Variants in HLTF observed in about 807,000 individuals in gnomAD.
The protein encoded by HLTF is DNA-dependent ATPase/E3 ubiquitin-protein ligase HLTF.
In HLTF, 127 loss-of-function variants were observed where a neutral mutation model predicts 129.4. That is an observed-to-expected ratio of 0.98 (90% CI 0.85 to 1.14). The LOEUF is 1.14. Among genes scored for constraint, HLTF ranks in the 50% most tolerant of loss-of-function variants. HLTF has a pLI of 0.00. For synonymous variants in HLTF, 332 were observed against 388.8 expected (o/e 0.85, Z 1.72); for missense variants, 1,139 against 1,187.1 (o/e 0.96, Z 0.60).
intron 3 of HLTF, among the ~76,000 whole-genome samples, chr3:149,075,275 A>T (rs1719246145): frequency 6.6e-6 from 1 of 152,246 alleles, no homozygotes; most frequent in Non-Finnish European, 1.5e-5. Flanking sequence ...CAGGCTGGGC[A>T]CGGTGGCTCA....
intron 3 of HLTF, among the ~76,000 whole-genome samples, chr3:149,075,343 G>A (rs1719252953): frequency 6.6e-6 from 1 of 152,210 alleles, no homozygotes; most frequent in Admixed American, 6.5e-5. Flanking sequence ...GAGGTCAGGA[G>A]TTCGAGACAG....
chr3:149,064,548 C>G (rs1718197435), intron 9 of HLTF, among the ~76,000 whole-genome samples: 1 of 151,952 alleles, frequency 6.6e-6, no homozygotes, highest in Non-Finnish European at 1.5e-5. Context: ...TTTCACAACC[C>G]AAAATGCTCT....
At chr3:149,061,216 C>T (rs952218577) in intron 10 of HLTF, among the ~76,000 whole-genome samples, 2 of 151,904 alleles carry the variant, frequency 1.3e-5, no homozygotes, top group East Asian at 3.9e-4. Context: ...ACTACAGGTG[C>T]GTGCCACTAC....
At chr3:149,085,520 C>T (rs1720290535) in intron 1 of HLTF, among the ~76,000 whole-genome samples, 1 of 152,040 alleles carries the variant, frequency 6.6e-6, no homozygotes, top group Non-Finnish European at 1.5e-5. Flanking sequence ...AAATCATATG[C>T]CAAAATTTCA....
chr3:149,074,180 T>C, intron 4 of HLTF, 35 bp downstream of exon 4: 1 of 1,582,792 alleles, frequency 6.3e-7, no homozygotes, highest in Non-Finnish European at 8.6e-7. Context: ...CATCTTACAA[T>C]ATCAGAATAA....
chr3:149,082,908 G>A (rs1471672916), intron 2 of HLTF, among the ~76,000 whole-genome samples: 2 of 152,144 alleles, frequency 1.3e-5, no homozygotes, highest in Non-Finnish European at 2.9e-5. Flanking sequence ...ATAAGTTATG[G>A]TTCTGGATGA....
intron 8 of HLTF, among the ~76,000 whole-genome samples, chr3:149,067,786 G>C (rs994399779): frequency 1.4e-4 from 21 of 152,196 alleles, no homozygotes; most frequent in African/African-American, 4.8e-4. Context: ...TGGCATTATT[G>C]ACTGGCAAAA....
In HLTF at chr3:149,052,672, A is replaced by G. The variant is rs377117817; in HGVS notation, c.1474-2297T>C. 3.5e-4 allele frequency among the ~76,000 whole-genome samples: 53 copies of G among 152,348 alleles called. 1 individual carries two copies. The highest frequency in any genetic ancestry group is 1.2e-3 in the African/African-American group (50 of 41,582). Reference sequence around the variant, plus strand: ...AGTATTAAACATGAAATAAAGGCAAAAATGCAGAGAGGATAAAACATGAAA... The same window carrying G: ...AGTATTAAACATGAAATAAAGGCAAGAATGCAGAGAGGATAAAACATGAAA... On this transcript the variant is annotated intron_variant, in intron 14 of 24. Transcript: ENST00000310053.
At chr3:149,050,477 A>G (rs1716892258) in intron 14 of HLTF, 102 bp from the exon 15 acceptor site, 3 of 661,314 alleles carry the variant, frequency 4.5e-6, no homozygotes, top group Non-Finnish European at 7.4e-6. Context: ...GACAAATCCA[A>G]CTACTAAAAT....
intron 13 of HLTF, chr3:149,059,380 A>C (rs1431154467): frequency 2.4e-6 from 1 of 422,078 alleles, no homozygotes; most frequent in Non-Finnish European, 4.6e-6. Flanking sequence ...TAATACCAAA[A>C]AATTAAACCT....
chr3:149,043,738 GAGCT>G (rs1716318190), intron 18 of HLTF, among the ~76,000 whole-genome samples: 1 of 152,136 alleles, frequency 6.6e-6, no homozygotes, highest in Admixed American at 6.5e-5. Context: ...CAAATTTTTA[GAGCT>G]AGCTGGTCAT....
chr3:149,071,303 C>T lies in HLTF; in HGVS notation c.843G>A (p.Lys281=), dbSNP rs747050082. The part of the protein sequence containing the change: ...YYNTITNFSE[K]DRPENVHGGI... ...CTCCATGGACATTTTCTGGTCGGTC[C>T]TTCTCAGAAAAATTTGTTATTGTGT... Residue 281 remains lysine, a synonymous_variant, in exon 7 of 25, where the codon AAG becomes AAA. Transcript: ENST00000310053. 140 of 1,609,836 alleles carry T rather than the reference C, an allele frequency of 8.7e-5. No individual in the cohort carries two copies. The highest frequency in any genetic ancestry group is 1.2e-4 in the Non-Finnish European group (137 of 1,178,090).
chr3:149,035,762 T>C (rs1715555271), intron 23 of HLTF, among the ~76,000 whole-genome samples: 1 of 152,022 alleles, frequency 6.6e-6, no homozygotes. Flanking sequence ...TGACGTTAGT[T>C]TGACTTTAAA....
intron 13 of HLTF, among the ~76,000 whole-genome samples, chr3:149,057,608 T>C (rs974069273): frequency 9.9e-5 from 15 of 152,188 alleles, no homozygotes; most frequent in Admixed American, 8.5e-4. Flanking sequence ...GAGGGATGAC[T>C]GTACTGTAAT....
At chr3:149,059,857 C>A in intron 12 of HLTF, 50 bp from the exon 13 acceptor site, 1 of 1,115,994 alleles carries the variant, frequency 9.0e-7, no homozygotes, top group Non-Finnish European at 1.3e-6. Flanking sequence ...ATCTCCTGTG[C>A]TAGAGTACAG....
intron 2 of HLTF, among the ~76,000 whole-genome samples, chr3:149,077,576 G>A (rs887333138): frequency 1.3e-5 from 2 of 151,510 alleles, no homozygotes; most frequent in Non-Finnish European, 2.9e-5. Flanking sequence ...AAAACAAAAA[G>A]GCTTATAAAG....
intron 17 of HLTF, among the ~76,000 whole-genome samples, chr3:149,046,579 T>G (rs1716565941): frequency 6.6e-6 from 1 of 152,192 alleles, no homozygotes; most frequent in Non-Finnish European, 1.5e-5. Flanking sequence ...AACTGTCCTG[T>G]CAACTCCATC....
chr3:149,071,388 G>C lies in HLTF; in HGVS notation c.758C>G (p.Ser253Ter). ...HQKQALAWMVSRENSKELPPF... is the reference protein window; with the variant it reads ...HQKQALAWMV Reference sequence around the variant, plus strand: ...TGGAAGTTCTTTGCTATTTTCCCGTGACACCATCCAAGCTAGAGCTTGTTT... The same window carrying C: ...TGGAAGTTCTTTGCTATTTTCCCGTCACACCATCCAAGCTAGAGCTTGTTT... Residue 253 changes from serine (S) to a stop codon, truncating the protein, a stop_gained, in exon 7 of 25, where the codon TCA (serine) becomes TGA (stop). Transcript: ENST00000310053. LOFTEE classifies it high-confidence loss of function. 6.2e-7 allele frequency: 1 copy of C among 1,613,810 alleles called. No individual in the cohort carries two copies. Among genetic ancestry groups the C allele is most frequent in the Non-Finnish European group, 8.5e-7 (1 of 1,179,796 alleles).
chr3:149,070,922 G>GT (rs1718792980), intron 7 of HLTF, among the ~76,000 whole-genome samples: 1 of 152,064 alleles, frequency 6.6e-6, no homozygotes, highest in African/African-American at 2.4e-5. Flanking sequence ...GCACATGCCT[G>GT]TAATCCCAGC....
Sources: gnomAD v4.1 joint callset for allele counts (sites outside exome capture counted in the v4.1 genomes callset) on GRCh38, gnomAD v4.1.1 for gene constraint, MANE v1.5 for transcripts, NCBI Gene and HGNC (gene_info 2026-07-23, HGNC 2026-07-21) for gene names.